OPCML: variants seen among roughly 807,000 people sequenced by gnomAD.
OPCML encodes opioid binding protein/cell adhesion molecule like.
OPCML carries 13 observed loss-of-function variants against 37.8 expected under a neutral mutation model. The observed-to-expected ratio is 0.34, with a 90% CI of 0.22 to 0.55. The LOEUF is 0.55. Among genes scored for constraint, OPCML ranks in the 20% least tolerant of loss-of-function variants. The pLI is 0.91. For missense variants in OPCML, 341 were observed against 435.6 expected, an observed-to-expected ratio of 0.78 and a Z score of 1.93; for synonymous variants, 176 against 168.8, an observed-to-expected ratio of 1.04 and a Z score of -0.33.
At chr11:132,932,223 G>A (rs1945229144) in intron 2 of OPCML, among the ~76,000 whole-genome samples, 1 of 152,020 alleles carries the variant, frequency 6.6e-6, no homozygotes, top group Non-Finnish European at 1.5e-5. Context: ...AAGTTCTGGA[G>A]AGGGATGGTG....
chr11:132,634,138 T>TC (rs1317596316), intron 3 of OPCML, among the ~76,000 whole-genome samples: 2 of 152,218 alleles, frequency 1.3e-5, no homozygotes, highest in East Asian at 1.9e-4. Flanking sequence ...CCCTCGGACT[T>TC]CCCCCTGGAT....
chr11:132,460,527 G>C (rs998447281), intron 4 of OPCML, among the ~76,000 whole-genome samples: 1 of 152,164 alleles, frequency 6.6e-6, no homozygotes, highest in African/African-American at 2.4e-5. Flanking sequence ...AGTCAACAGG[G>C]CAGGAGGAAG....
At chr11:133,148,554 G>A (rs980796467) in intron 1 of OPCML, among the ~76,000 whole-genome samples, 2 of 152,242 alleles carry the variant, frequency 1.3e-5, no homozygotes, top group East Asian at 3.9e-4. Flanking sequence ...CGGGTAGACA[G>A]AAGAGAGGAG....
chr11:132,537,586 C>A (rs1284394246), intron 3 of OPCML, among the ~76,000 whole-genome samples: 1 of 152,170 alleles, frequency 6.6e-6, no homozygotes, highest in Admixed American at 6.5e-5. Flanking sequence ...AACCGGACTT[C>A]ATTCAAATTA....
chr11:132,973,230 G>A (rs1946381863), intron 1 of OPCML, among the ~76,000 whole-genome samples: 1 of 152,080 alleles, frequency 6.6e-6, no homozygotes, highest in Non-Finnish European at 1.5e-5. Flanking sequence ...ATTTTATGGA[G>A]CTTATGATGA....
chr11:132,543,662 G>T (rs539614019), intron 3 of OPCML, among the ~76,000 whole-genome samples: 1 of 152,084 alleles, frequency 6.6e-6, no homozygotes, highest in Non-Finnish European at 1.5e-5. Context: ...TTTTGACTCT[G>T]TTCTCTGTGG....
Position 133,493,275 on chromosome 11 carries a change from G to A in OPCML, c.61+38989C>T, listed in dbSNP as rs528111245. 2.0e-5 allele frequency among the ~76,000 whole-genome samples: 3 copies of A among 152,324 alleles called. No individual in the cohort carries two copies. In the South Asian group the frequency reaches 6.2e-4, roughly 32 times the overall value. On this transcript the variant is annotated intron_variant, in intron 1 of 7. Transcript: ENST00000524381. ...CTTGCACGCCGGGCAGGCCTCAGGGGCCACCCAGCACCCTTTGGGGAGATC... is the reference window on the plus strand; with the variant it reads ...CTTGCACGCCGGGCAGGCCTCAGGGACCACCCAGCACCCTTTGGGGAGATC...
chr11:132,940,600 CTCAGAGTACTGACAAA>C (rs1170038505), intron 2 of OPCML, among the ~76,000 whole-genome samples: 1 of 152,200 alleles, frequency 6.6e-6, no homozygotes, highest in Non-Finnish European at 1.5e-5. Context: ...TGGACTCTCC[CTCAGAGTACTGACAAA>C]TCAGTTGTTT....
chr11:133,301,805 A>G (rs191750079), intron 1 of OPCML: 8 of 152,240 alleles, frequency 5.3e-5, no homozygotes, highest in Admixed American at 5.2e-4. Context: ...GAACATATAC[A>G]AGATAGTATG....
chr11:133,299,514 G>A (rs573516750), intron 1 of OPCML: 9 of 152,326 alleles, frequency 5.9e-5, no homozygotes, highest in Admixed American at 5.9e-4. Flanking sequence ...AAGTTATCAA[G>A]AACAAGTGCC....
intron 3 of OPCML, among the ~76,000 whole-genome samples, chr11:132,532,159 C>T (rs899693650): frequency 6.6e-6 from 1 of 152,130 alleles, no homozygotes; most frequent in Non-Finnish European, 1.5e-5. Context: ...ATTGCTCAGG[C>T]GCTCAGTCAA....
At chr11:133,313,025 C>T (rs1329853002) in intron 1 of OPCML, among the ~76,000 whole-genome samples, 1 of 152,214 alleles carries the variant, frequency 6.6e-6, no homozygotes, top group Non-Finnish European at 1.5e-5. Context: ...GCTAGAGTGA[C>T]ATAGTGACTT....
intron 1 of OPCML, among the ~76,000 whole-genome samples, chr11:133,059,118 T>C (rs1948293956): frequency 6.6e-6 from 1 of 152,236 alleles, no homozygotes; most frequent in Non-Finnish European, 1.5e-5. Context: ...AACATTGATT[T>C]TGTGTGTTAT....
At chr11:132,819,682 CATATGATATCA>C (rs1265886226) in intron 2 of OPCML, among the ~76,000 whole-genome samples, 2 of 152,150 alleles carry the variant, frequency 1.3e-5, no homozygotes, top group Non-Finnish European at 2.9e-5. Flanking sequence ...TTTGTCTAGA[CATATGATATCA>C]ATATTTATTT....
intron 3 of OPCML, among the ~76,000 whole-genome samples, chr11:132,646,075 T>G (rs1941133881): frequency 6.7e-6 from 1 of 148,758 alleles, no homozygotes; most frequent in South Asian, 2.1e-4. Flanking sequence ...GAAATAAGAG[T>G]GGAAAGGGTG....
chr11:132,543,770 T>C (rs1301729491), intron 3 of OPCML, among the ~76,000 whole-genome samples: 1 of 152,010 alleles, frequency 6.6e-6, no homozygotes, highest in Non-Finnish European at 1.5e-5. Context: ...CCACGTTTTT[T>C]CCCCCACTCA....
At chr11:132,988,470 T>C (rs1034216346) in intron 1 of OPCML, among the ~76,000 whole-genome samples, 1 of 152,200 alleles carries the variant, frequency 6.6e-6, no homozygotes, top group African/African-American at 2.4e-5. Context: ...AAAAATATAG[T>C]CCACTTTCTG....
At chr11:133,317,299 A>G (rs1029575814) in intron 1 of OPCML, among the ~76,000 whole-genome samples, 1 of 152,230 alleles carries the variant, frequency 6.6e-6, no homozygotes, top group Non-Finnish European at 1.5e-5. Context: ...CTTCTGGTTA[A>G]CCTGAAACAT....
intron 1 of OPCML, among the ~76,000 whole-genome samples, chr11:133,311,448 G>A (rs1943065815): frequency 6.6e-6 from 1 of 152,204 alleles, no homozygotes; most frequent in South Asian, 2.1e-4. Context: ...CATCATTAGT[G>A]GTGAGGTCTT....
Sources: gnomAD v4.1 joint callset for allele counts (sites outside exome capture counted in the v4.1 genomes callset) on GRCh38, gnomAD v4.1.1 for gene constraint, MANE v1.5 for transcripts, NCBI Gene and HGNC (gene_info 2026-07-23, HGNC 2026-07-21) for gene names.